Variants in RAB11FIP4 observed in about 807,000 individuals in gnomAD.
The protein encoded by RAB11FIP4 is RAB11 family interacting protein 4, also known as rab11 family-interacting protein 4.
RAB11FIP4 carries 23 observed loss-of-function variants against 74.3 expected under a neutral mutation model. The observed-to-expected ratio is 0.31, with a 90% CI of 0.22 to 0.44. The LOEUF (loss-of-function observed/expected upper bound fraction) is 0.44, where lower values mean the gene tolerates loss of function less well. Among genes scored for constraint, RAB11FIP4 ranks in the 20% least tolerant of loss-of-function variants. RAB11FIP4 has a pLI of 1.00. For synonymous variants in RAB11FIP4, 360 were observed against 359.9 expected (o/e 1.00, Z 0.00); for missense variants, 630 against 863.9 (o/e 0.73, Z 3.39).
chr17:31,459,375 C>T (rs2071612881), intron 3 of RAB11FIP4, among the ~76,000 whole-genome samples: 1 of 152,064 alleles, frequency 6.6e-6, no homozygotes, highest in African/African-American at 2.4e-5. Context: ...GTAAAATGCC[C>T]ATCAGGTTGT....
At chr17:31,486,781 C>T (rs2071907586) in intron 3 of RAB11FIP4, among the ~76,000 whole-genome samples, 1 of 152,234 alleles carries the variant, frequency 6.6e-6, no homozygotes, top group African/African-American at 2.4e-5. Flanking sequence ...GGCCAGGAGG[C>T]CCTCCTGTAC....
intron 1 of RAB11FIP4, among the ~76,000 whole-genome samples, chr17:31,403,260 T>C (rs1448368649): frequency 6.6e-6 from 1 of 151,960 alleles, no homozygotes; most frequent in Non-Finnish European, 1.5e-5. Context: ...ACAGAGAGGA[T>C]ATGGAGACCC....
At chr17:31,479,252 T>G (rs750506620) in intron 3 of RAB11FIP4, among the ~76,000 whole-genome samples, 2 of 152,200 alleles carry the variant, frequency 1.3e-5, no homozygotes, top group Non-Finnish European at 2.9e-5. Context: ...TCCCATTAGG[T>G]AGAGGAATTG....
At chr17:31,457,718 C>T (rs189035733) in intron 3 of RAB11FIP4, among the ~76,000 whole-genome samples, 231 of 151,762 alleles carry the variant, frequency 1.5e-3, no homozygotes, top group African/African-American at 5.4e-3. Context: ...CAGGTGGCCA[C>T]ACCCCTCCTG....
chr17:31,458,390 G>A (rs1048878932), intron 3 of RAB11FIP4, among the ~76,000 whole-genome samples: 3 of 152,200 alleles, frequency 2.0e-5, no homozygotes, highest in East Asian at 1.9e-4. Flanking sequence ...TGGGAGCCCC[G>A]CAGGGCATTG....
rs886871932 is a variant in RAB11FIP4, at chr17:31,534,380, G to C, written c.*2648G>C. ...ACTCCCAGGCTCAAGCGATCCTCCC[G>C]CCTTAACTGCCTGAGTAGCTGGGAC... On this transcript the variant is annotated 3_prime_UTR_variant, in exon 15 of 15. Transcript: ENST00000621161. 1 of 152,092 alleles carries C rather than the reference G, an allele frequency of 6.6e-6. No homozygotes were observed. Among genetic ancestry groups the C allele is most frequent in the African/African-American group, 2.4e-5 (1 of 41,382 alleles). 9.4% of individuals were successfully genotyped at this position (152,092 alleles called of 1,614,324 possible).
chr17:31,501,010 A>C (rs1209229185), intron 3 of RAB11FIP4, among the ~76,000 whole-genome samples: 2 of 145,500 alleles, frequency 1.4e-5, no homozygotes, highest in African/African-American at 5.3e-5. Context: ...TGACAGAGTG[A>C]GACTCCATCT....
At chr17:31,459,156 C>T (rs146106846) in intron 3 of RAB11FIP4, among the ~76,000 whole-genome samples, 1 of 152,200 alleles carries the variant, frequency 6.6e-6, no homozygotes, top group Non-Finnish European at 1.5e-5. Context: ...CCCCCTGCCC[C>T]GTGTCAATTC....
chr17:31,399,871 T>C (rs1597895889), intron 1 of RAB11FIP4, among the ~76,000 whole-genome samples: 1 of 151,702 alleles, frequency 6.6e-6, no homozygotes, highest in Non-Finnish European at 1.5e-5. Flanking sequence ...TGGTGAAACT[T>C]GTCTCTATTA....
At chr17:31,452,434 C>A (rs113515882) in intron 3 of RAB11FIP4, among the ~76,000 whole-genome samples, 34 of 152,170 alleles carry the variant, frequency 2.2e-4, no homozygotes, top group African/African-American at 7.7e-4. Flanking sequence ...TGCCTGGATT[C>A]TCTGAGACTC....
chr17:31,511,735 AGT>A (rs1280889832), intron 3 of RAB11FIP4, among the ~76,000 whole-genome samples: 2 of 152,032 alleles, frequency 1.3e-5, no homozygotes, highest in Admixed American at 6.5e-5. Context: ...CCGCTCTGAG[AGT>A]GTGGACAGTG....
At chr17:31,442,789 G>A (rs578020568) in intron 3 of RAB11FIP4, among the ~76,000 whole-genome samples, 2 of 151,906 alleles carry the variant, frequency 1.3e-5, no homozygotes, top group African/African-American at 4.8e-5. Flanking sequence ...GTGAAACCCC[G>A]TCTCTACTAA....
chr17:31,436,982 G>T (rs547766901), intron 3 of RAB11FIP4, among the ~76,000 whole-genome samples: 1 of 151,626 alleles, frequency 6.6e-6, no homozygotes, highest in East Asian at 1.9e-4. Flanking sequence ...AGTAGAGATG[G>T]GGTTTCACCA....
At chr17:31,488,246 C>A (rs1250337983) in intron 3 of RAB11FIP4, 8 of 1,162,352 alleles carry the variant, frequency 6.9e-6, no homozygotes, top group Admixed American at 9.4e-5. Context: ...CCCGCGGATG[C>A]GCACCCCGCC....
chr17:31,504,183 T>G (rs889534875), intron 3 of RAB11FIP4, among the ~76,000 whole-genome samples: 24 of 146,576 alleles, frequency 1.6e-4, no homozygotes, highest in Non-Finnish European at 3.1e-4. Flanking sequence ...CAGGCTGGAG[T>G]GCAGTGGCGC....
In RAB11FIP4 at chr17:31,505,518, T is replaced by A. The variant is rs1415732449; in HGVS notation, c.337-12133T>A. ...TAATTATTATATTATATATAATAAT[T>A]ATATATTATATATAATTATTATATA... On this transcript the variant is annotated intron_variant, in intron 3 of 14. Coordinates refer to ENST00000621161, the MANE Select transcript of RAB11FIP4 (RefSeq NM_032932.6). Among the ~76,000 whole-genome samples, 2 of 90,448 alleles carry A rather than the reference T, an allele frequency of 2.2e-5. 1 individual carries two copies. The highest frequency in any genetic ancestry group is 9.0e-5 in the African/African-American group (2 of 22,206). The allele number at this position is 90,448 out of a possible 152,430, so 59.3% of individuals were successfully genotyped here.
chr17:31,393,634 C>A (rs892784986), intron 1 of RAB11FIP4, among the ~76,000 whole-genome samples: 2 of 152,210 alleles, frequency 1.3e-5, no homozygotes, highest in African/African-American at 4.8e-5. Flanking sequence ...CCGTTCTGCA[C>A]GGGGACTCAC....
chr17:31,475,358 C>A (rs1597939502), intron 3 of RAB11FIP4, among the ~76,000 whole-genome samples: 1 of 152,150 alleles, frequency 6.6e-6, no homozygotes, highest in African/African-American at 2.4e-5. Context: ...TGACTCTGGG[C>A]TTCATTCACT....
chr17:31,401,845 C>CCCAAGGCAAGCCCATT (rs1431040397), intron 1 of RAB11FIP4, among the ~76,000 whole-genome samples: 3 of 152,216 alleles, frequency 2.0e-5, no homozygotes, highest in African/African-American at 7.2e-5. Context: ...CGCGCTGCCT[C>CCCAAGGCAAGCCCATT]CCAAGGCAAG....
Sources: gnomAD v4.1 joint callset for allele counts (sites outside exome capture counted in the v4.1 genomes callset) on GRCh38, gnomAD v4.1.1 for gene constraint, MANE v1.5 for transcripts, NCBI Gene and HGNC (gene_info 2026-07-23, HGNC 2026-07-21) for gene names.